The following CACNA1C variants were observed in gnomAD, a reference collection of about 807,000 sequenced individuals.
The protein encoded by CACNA1C is voltage-dependent L-type calcium channel subunit alpha-1C.
CACNA1C carries 30 observed loss-of-function variants against 229.0 expected under a neutral mutation model. The ratio of observed to expected loss-of-function variants is 0.13; its 90% CI spans 0.10 to 0.18. CACNA1C has a LOEUF of 0.18. CACNA1C is among the 10% of genes least tolerant of loss of function. The pLI is 1.00. For synonymous variants in CACNA1C, 1,114 were observed against 1,132.5 expected, an observed-to-expected ratio of 0.98 and a Z score of 0.33; for missense variants, 1,658 against 2,845.0, an observed-to-expected ratio of 0.58 and a Z score of 9.49.
At chr12:2,468,710 A>C (rs2099573584) in intron 5 of CACNA1C, among the ~76,000 whole-genome samples, 2 of 152,210 alleles carry the variant, frequency 1.3e-5, no homozygotes, top group African/African-American at 4.8e-5. Context: ...GCAGGACCTG[A>C]TGGCAAATAG....
chr12:2,374,413 G>A (rs1042754328), intron 3 of CACNA1C, among the ~76,000 whole-genome samples: 15 of 152,184 alleles, frequency 9.9e-5, no homozygotes, highest in African/African-American at 3.4e-4. Flanking sequence ...CCCATGACTG[G>A]GGACTGGGTG....
chr12:2,283,125 T>C (rs1566867153), intron 3 of CACNA1C, among the ~76,000 whole-genome samples: 1 of 151,952 alleles, frequency 6.6e-6, no homozygotes, highest in South Asian at 2.1e-4. Flanking sequence ...TGTTAAAATA[T>C]AGGTTTGGAT....
chr12:2,570,096 G>C (rs1367467218), intron 13 of CACNA1C, among the ~76,000 whole-genome samples: 4 of 152,158 alleles, frequency 2.6e-5, no homozygotes, highest in African/African-American at 9.7e-5. Flanking sequence ...ATCAACCTTA[G>C]AAGACATATG....
chr12:2,521,271 C>T (rs2099809356), intron 9 of CACNA1C, among the ~76,000 whole-genome samples: 1 of 152,128 alleles, frequency 6.6e-6, no homozygotes, highest in Non-Finnish European at 1.5e-5. Flanking sequence ...GGGGCTGGGT[C>T]GGGTGTTGTG....
intron 11 of CACNA1C, among the ~76,000 whole-genome samples, chr12:2,565,372 C>G (rs1455238843): frequency 6.6e-6 from 1 of 150,520 alleles, no homozygotes; most frequent in Non-Finnish European, 1.5e-5. Context: ...GAGGCTGAGG[C>G]AGGAGAATGG....
chr12:1,981,507 A>C lies in CACNA1C; in HGVS notation c.139+10306A>C, dbSNP rs2036120161. 2.0e-5 allele frequency among the ~76,000 whole-genome samples: 3 copies of C among 152,224 alleles called. No homozygotes were observed. The South Asian group carries it at 6.2e-4, about 32-fold the overall frequency. On this transcript the variant is annotated intron_variant, in intron 1 of 46. Transcript: ENST00000682462. ...GGACAAAATATTATACATAAGGTAA[A>C]CTATAAGCACAACTAGTAATTGCCT...
At chr12:2,340,117 C>G (rs570568683) in intron 3 of CACNA1C, among the ~76,000 whole-genome samples, 1 of 152,078 alleles carries the variant, frequency 6.6e-6, no homozygotes, top group Non-Finnish European at 1.5e-5. Flanking sequence ...TTGGTGAGCA[C>G]GAAGCTGTTT....
At chr12:2,326,214 G>C (rs1192037815) in intron 3 of CACNA1C, among the ~76,000 whole-genome samples, 1 of 152,196 alleles carries the variant, frequency 6.6e-6, no homozygotes, top group African/African-American at 2.4e-5. Context: ...AAAGGGGGCA[G>C]ATAGTTAGGA....
At chr12:2,414,104 G>A (rs924034858) in intron 3 of CACNA1C, among the ~76,000 whole-genome samples, 41 of 148,750 alleles carry the variant, frequency 2.8e-4, no homozygotes, top group African/African-American at 9.4e-4. Context: ...TTTGCTGGCC[G>A]TGGGACCCGG....
In CACNA1C at chr12:2,504,489, C is replaced by G; in HGVS notation, c.1114-353C>G. The G allele has an allele frequency of 6.2e-7, 1 of 1,612,324 alleles. No homozygotes were observed. Among genetic ancestry groups the G allele is most frequent in the Non-Finnish European group, 8.5e-7 (1 of 1,178,536 alleles). ...CCTGGGTGTATTTTGTCAGTCTGGT[C>G]ATCTTTGGATCCTTTTTCGTTCTAA... On this transcript the variant is annotated intron_variant, in intron 7 of 46. Coordinates refer to ENST00000399655, the MANE Select transcript of CACNA1C (RefSeq NM_000719.7). The surrounding 1 kb of genome is among the most constrained non-coding windows in gnomAD (Gnocchi z 6.8).
Position 2,410,961 on chromosome 12 carries a change from A to C in CACNA1C, c.478-38015A>C, listed in dbSNP as rs2098800831. 6.7e-6 allele frequency among the ~76,000 whole-genome samples: 1 copy of C among 149,418 alleles called. No individual in the cohort carries two copies. Among genetic ancestry groups the C allele is most frequent in the Non-Finnish European group, 1.5e-5 (1 of 67,412 alleles). ...ATTTTTCTCTCATCTTTCTCTCCCT[A>C]CTCCCCTTGCAGCATGAGAGGCCCA... On this transcript the variant is annotated intron_variant, in intron 3 of 46. Transcript: ENST00000399655. The surrounding 1 kb of genome is among the most constrained non-coding windows in gnomAD (Gnocchi z 5.3).
chr12:2,359,651 G>A (rs1287468019), intron 3 of CACNA1C, among the ~76,000 whole-genome samples: 1 of 151,958 alleles, frequency 6.6e-6, no homozygotes, highest in Non-Finnish European at 1.5e-5. Flanking sequence ...AGAAAAGCGG[G>A]GAAATGATTG....
chr12:2,062,647 T>G (rs1042136204), intron 1 of CACNA1C, among the ~76,000 whole-genome samples: 1 of 152,212 alleles, frequency 6.6e-6, no homozygotes, highest in African/African-American at 2.4e-5. Context: ...CCTCTGGCTT[T>G]CTTTCCCCTT....
chr12:2,082,160 G>A (rs1219913986), intron 1 of CACNA1C, among the ~76,000 whole-genome samples: 2 of 152,154 alleles, frequency 1.3e-5, no homozygotes, highest in African/African-American at 2.4e-5. Context: ...CACCTTGCTC[G>A]TGTCACATGT....
chr12:2,010,993 A>G (rs545037365), intron 1 of CACNA1C: 1 of 152,096 alleles, frequency 6.6e-6, no homozygotes, highest in South Asian at 2.1e-4. Flanking sequence ...TACTAAAAAT[A>G]CAAAAAAATT....
intron 3 of CACNA1C, among the ~76,000 whole-genome samples, chr12:2,230,852 G>A (rs2064883674): frequency 1.3e-5 from 2 of 152,320 alleles, no homozygotes; most frequent in South Asian, 4.1e-4. Context: ...GAATGATCTG[G>A]TGAGGTGGGT....
intron 3 of CACNA1C, among the ~76,000 whole-genome samples, chr12:2,391,575 C>T (rs188985302): frequency 3.2e-4 from 48 of 150,092 alleles, no homozygotes; most frequent in Admixed American, 7.4e-4. Context: ...AAGTTACGGG[C>T]AGGAGCCATG....
At chr12:2,434,309 G>T (rs1404174872) in intron 3 of CACNA1C, among the ~76,000 whole-genome samples, 2 of 152,252 alleles carry the variant, frequency 1.3e-5, no homozygotes, top group Admixed American at 6.5e-5. Flanking sequence ...AGACACCCTG[G>T]AATTCTAGAA....
chr12:2,138,226 G>A (rs543142309), intron 3 of CACNA1C, among the ~76,000 whole-genome samples: 3 of 151,470 alleles, frequency 2.0e-5, no homozygotes, highest in African/African-American at 2.4e-5. Context: ...AGGAAGGCCA[G>A]GATATCCAGG....
Sources: gnomAD v4.1 joint callset for allele counts (sites outside exome capture counted in the v4.1 genomes callset) on GRCh38, gnomAD v4.1.1 for gene constraint, Gnocchi (gnomAD v3.1) non-coding constraint, MANE v1.5 for transcripts, NCBI Gene and HGNC (gene_info 2026-07-23, HGNC 2026-07-21) for gene names.